Variants in SEMA3A observed in about 807,000 individuals in gnomAD.
The protein encoded by SEMA3A is semaphorin 3A.
In SEMA3A, 29 loss-of-function variants were observed where a neutral mutation model predicts 97.9. That is an observed-to-expected ratio of 0.30 (90% CI 0.22 to 0.40). The LOEUF (loss-of-function observed/expected upper bound fraction) is 0.40. SEMA3A is among the 10% of genes least tolerant of loss of function. The pLI is 1.00. For missense variants in SEMA3A, 763 were observed against 951.3 expected, an observed-to-expected ratio of 0.80 and a Z score of 2.60; for synonymous variants, 321 against 323.7, an observed-to-expected ratio of 0.99 and a Z score of 0.09.
chr7:84,320,316 A>G (rs1013959275), intron 2 of SEMA3A, among the ~76,000 whole-genome samples: 5 of 152,220 alleles, frequency 3.3e-5, no homozygotes, highest in African/African-American at 9.6e-5. Context: ...TAATCTATGT[A>G]TAGGCTTTTT....
At chr7:84,459,950 C>A (rs1355919544) in intron 1 of SEMA3A, among the ~76,000 whole-genome samples, 1 of 152,092 alleles carries the variant, frequency 6.6e-6, no homozygotes, top group Non-Finnish European at 1.5e-5. Flanking sequence ...TCGCTTGAGT[C>A]TGGGAGGTCA....
intron 1 of SEMA3A, among the ~76,000 whole-genome samples, chr7:84,477,694 G>A (rs1486627859): frequency 6.6e-6 from 1 of 152,028 alleles, no homozygotes; most frequent in African/African-American, 2.4e-5. Flanking sequence ...TGGGGTGTGA[G>A]ATCTACAAAA....
At chr7:84,239,015 C>T (rs1313385075) in intron 3 of SEMA3A, among the ~76,000 whole-genome samples, 1 of 151,822 alleles carries the variant, frequency 6.6e-6, no homozygotes, top group East Asian at 1.9e-4. Context: ...CCATGCCCGG[C>T]CAAAAACTAC....
chr7:84,024,403 G>T (rs923516102), intron 6 of SEMA3A, among the ~76,000 whole-genome samples: 8 of 151,530 alleles, frequency 5.3e-5, no homozygotes, highest in Non-Finnish European at 8.8e-5. Flanking sequence ...AAAATTAGAC[G>T]AGTATGGTGG....
intron 2 of SEMA3A, among the ~76,000 whole-genome samples, chr7:84,320,651 T>G (rs112180247): frequency 0.024 from 1,834 of 74,964 alleles, 34 homozygotes; most frequent in African/African-American, 0.093. Context: ...ACTTGAGAAA[T>G]AAATTATTTT....
At position 83,958,640 on chromosome 7, in the gene SEMA3A, T is replaced by G. The variant is rs1788355138; in HGVS notation, c.*2731A>C. 6.6e-6 allele frequency: 1 copy of G among 152,552 alleles called. No individual in the cohort carries two copies. Among genetic ancestry groups the G allele is most frequent in the Admixed American group, 6.6e-5 (1 of 15,262 alleles). The allele number at this position is 152,552 out of a possible 1,614,324, so 9.4% of individuals were successfully genotyped here. A position where few individuals can be genotyped will look rare whatever the true frequency, so the allele number is the denominator to read the frequency against. ...ACTTATAGAAAGTTTTATTTTACACTGTTCTTCCTCTTTTTCTCCCAAATT... is the reference window on the plus strand; with the variant it reads ...ACTTATAGAAAGTTTTATTTTACACGGTTCTTCCTCTTTTTCTCCCAAATT... On this transcript the variant is annotated 3_prime_UTR_variant, in exon 17 of 17. Transcript: ENST00000265362.
intron 12 of SEMA3A, among the ~76,000 whole-genome samples, chr7:83,995,263 A>T (rs1790164441): frequency 6.6e-6 from 1 of 152,142 alleles, no homozygotes; most frequent in Non-Finnish European, 1.5e-5. Flanking sequence ...GGAAATGCAG[A>T]AATCACTGTC....
At chr7:84,237,630 C>T (rs760539872) in intron 3 of SEMA3A, among the ~76,000 whole-genome samples, 1 of 151,930 alleles carries the variant, frequency 6.6e-6, no homozygotes, top group Non-Finnish European at 1.5e-5. Flanking sequence ...AGGGAACTGA[C>T]GCATGATGTG....
At chr7:84,372,067 G>A (rs914532132) in intron 1 of SEMA3A, 4 of 152,016 alleles carry the variant, frequency 2.6e-5, no homozygotes, top group Admixed American at 6.6e-5. Flanking sequence ...CTCAGGCATC[G>A]TTAACCTCTT....
At chr7:84,337,479 A>G (rs1451766715) in intron 2 of SEMA3A, among the ~76,000 whole-genome samples, 2 of 152,156 alleles carry the variant, frequency 1.3e-5, no homozygotes, top group Non-Finnish European at 2.9e-5. Flanking sequence ...TTGGCTAACA[A>G]TCCATCATTG....
At chr7:84,046,558 G>T (rs1792361033) in intron 5 of SEMA3A, 115 bp from the exon 6 acceptor site, 1 of 1,143,898 alleles carries the variant, frequency 8.7e-7, no homozygotes, top group African/African-American at 1.5e-5. Context: ...GAGGAAAACT[G>T]AAATGCTCTC....
chr7:84,138,875 A>C (rs566822064), intron 1 of SEMA3A, among the ~76,000 whole-genome samples: 1 of 152,220 alleles, frequency 6.6e-6, no homozygotes, highest in African/African-American at 2.4e-5. Context: ...AATTGGGTGA[A>C]ATTTTATTCA....
chr7:84,294,996 T>C (rs545566501), intron 3 of SEMA3A, among the ~76,000 whole-genome samples: 1 of 152,158 alleles, frequency 6.6e-6, no homozygotes, highest in African/African-American at 2.4e-5. Flanking sequence ...GTAGAATCTT[T>C]ATATAGCAAA....
chr7:84,461,119 G>A (rs1488903397), intron 1 of SEMA3A, among the ~76,000 whole-genome samples: 1 of 152,158 alleles, frequency 6.6e-6, no homozygotes, highest in Non-Finnish European at 1.5e-5. Context: ...AAAGGGTGAT[G>A]TGCTTCAAAT....
chr7:84,320,136 A>C (rs1024096363), intron 2 of SEMA3A, among the ~76,000 whole-genome samples: 2 of 152,104 alleles, frequency 1.3e-5, no homozygotes, highest in Non-Finnish European at 1.5e-5. Flanking sequence ...TAATGGAAGC[A>C]CTGATTCCCT....
At chr7:83,992,629 T>C (rs1790009209) in intron 12 of SEMA3A, among the ~76,000 whole-genome samples, 1 of 151,882 alleles carries the variant, frequency 6.6e-6, no homozygotes, top group Non-Finnish European at 1.5e-5. Flanking sequence ...TTGAGTGGTT[T>C]TGAGTGAGAT....
chr7:84,214,506 T>C (rs1180135247), intron 3 of SEMA3A, among the ~76,000 whole-genome samples: 3 of 152,136 alleles, frequency 2.0e-5, no homozygotes, highest in African/African-American at 4.8e-5. Flanking sequence ...AAACATATTA[T>C]TCCAACTTCC....
At chr7:84,247,169 T>C (rs1799493792) in intron 3 of SEMA3A, among the ~76,000 whole-genome samples, 1 of 152,158 alleles carries the variant, frequency 6.6e-6, no homozygotes, top group Admixed American at 6.5e-5. Flanking sequence ...ACTTATCCGA[T>C]TTTTGTAATA....
chr7:84,041,873 G>A (rs764271009), intron 6 of SEMA3A, among the ~76,000 whole-genome samples: 6 of 151,946 alleles, frequency 3.9e-5, no homozygotes, highest in Non-Finnish European at 7.4e-5. Flanking sequence ...TGACATCATC[G>A]TTAAGTCTGA....
Sources: allele counts gnomAD v4.1 joint callset (sites outside exome capture counted in the v4.1 genomes callset), GRCh38; gene constraint gnomAD v4.1.1; transcripts MANE v1.5; gene names NCBI Gene and HGNC (gene_info 2026-07-23, HGNC 2026-07-21).